CNTN5: variants seen among roughly 807,000 people sequenced by gnomAD.
CNTN5 encodes contactin-5.
In CNTN5, 77 loss-of-function variants were observed where a neutral mutation model predicts 129.1. The observed-to-expected ratio is 0.60, with a 90% confidence interval of 0.50 to 0.72. The LOEUF (loss-of-function observed/expected upper bound fraction) is 0.72, where lower values mean the gene tolerates loss of function less well. Among genes scored for constraint, CNTN5 ranks in the 30% least tolerant of loss-of-function variants. The probability of loss-of-function intolerance (pLI) is 0.00; values close to 1 mark genes in which losing one functional copy is unlikely to be tolerated. For missense variants in CNTN5, 1,478 were observed against 1,328.8 expected (o/e 1.11, Z -1.75); for synonymous variants, 509 against 465.6 (o/e 1.09, Z -1.20).
chr11:100,056,471 G>A (rs1210556772), intron 9 of CNTN5, among the ~76,000 whole-genome samples: 2 of 151,496 alleles, frequency 1.3e-5, no homozygotes, highest in Non-Finnish European at 3.0e-5. Flanking sequence ...GACAATGAGC[G>A]TGAGGTTAAT....
chr11:99,371,257 T>C (rs1053386834), intron 2 of CNTN5, among the ~76,000 whole-genome samples: 2 of 152,088 alleles, frequency 1.3e-5, no homozygotes, highest in Admixed American at 6.6e-5. Context: ...CCATTTTTAA[T>C]GTAAAAATTT....
chr11:100,307,383 A>G (rs563826773), intron 20 of CNTN5, among the ~76,000 whole-genome samples: 4 of 151,844 alleles, frequency 2.6e-5, no homozygotes, highest in African/African-American at 9.6e-5. Context: ...CTGCCATTTC[A>G]TTTAACTTGT....
intron 3 of CNTN5, among the ~76,000 whole-genome samples, chr11:99,795,910 C>A (rs1945920198): frequency 6.6e-6 from 1 of 152,200 alleles, no homozygotes; most frequent in Non-Finnish European, 1.5e-5. Context: ...AATGTGCCAG[C>A]CAAAGTGCTT....
At chr11:99,074,921 G>A (rs1164259918) in intron 1 of CNTN5, among the ~76,000 whole-genome samples, 1 of 152,102 alleles carries the variant, frequency 6.6e-6, no homozygotes, top group Non-Finnish European at 1.5e-5. Flanking sequence ...AAATAATTGG[G>A]ATGATGTAAA....
chr11:99,594,391 T>C (rs995057282), intron 3 of CNTN5, among the ~76,000 whole-genome samples: 6 of 152,172 alleles, frequency 3.9e-5, no homozygotes, highest in Non-Finnish European at 7.4e-5. Context: ...TGCTGATATC[T>C]GGACAAAGCT....
Position 99,682,324 on chromosome 11 carries a change from TAGAA to T in CNTN5, c.55+126059_55+126062del, listed in dbSNP as rs553443477. On this transcript the variant is annotated intron_variant, in intron 3 of 24. Coordinates refer to ENST00000524871, the MANE Select transcript of CNTN5 (RefSeq NM_014361.4). ...AAAAGAGAAGAGAGATAAGTGAAAA[TAGAA>T]AGATATTAATTGTGGGGTACGTCAT... 4.3e-3 allele frequency among the ~76,000 whole-genome samples: 657 copies of T among 151,718 alleles called. 17 individuals are homozygous for T. Among genetic ancestry groups the T allele is most frequent in the East Asian group, 7.0e-3 (36 of 5,164 alleles).
intron 3 of CNTN5, among the ~76,000 whole-genome samples, chr11:99,816,802 C>T (rs1203320223): frequency 2.0e-5 from 3 of 152,082 alleles, no homozygotes; most frequent in Admixed American, 6.6e-5. Context: ...CCTTACATGT[C>T]CTCCCACCTC....
Position 100,096,956 on chromosome 11 carries a change from G to A in CNTN5, c.1580+22662G>A, listed in dbSNP as rs1334789450. Among the ~76,000 whole-genome samples, 8 of 152,112 alleles carry A rather than the reference G, an allele frequency of 5.3e-5. No homozygotes were observed. In the East Asian group the frequency reaches 1.4e-3, roughly 26 times the overall value. ...GAATAACAGAATTTTCAAGCTGCCT[G>A]TTTGGCAGAGAAACCCAGTGTTCCA... On this transcript the variant is annotated intron_variant, in intron 13 of 24. Coordinates refer to ENST00000524871, the MANE Select transcript of CNTN5 (RefSeq NM_014361.4).
intron 18 of CNTN5, among the ~76,000 whole-genome samples, chr11:100,281,936 T>C (rs529591349): frequency 6.6e-6 from 1 of 152,262 alleles, no homozygotes; most frequent in East Asian, 1.9e-4. Context: ...ATTCTCTTTA[T>C]TATTTCAATC....
intron 6 of CNTN5, among the ~76,000 whole-genome samples, chr11:99,905,811 T>C (rs1348665062): frequency 1.3e-5 from 2 of 152,200 alleles, no homozygotes; most frequent in Non-Finnish European, 2.9e-5. Flanking sequence ...CCTCTGTTAT[T>C]TCCTTGAGCA....
At chr11:99,938,326 A>G (rs997801553) in intron 7 of CNTN5, among the ~76,000 whole-genome samples, 2 of 152,102 alleles carry the variant, frequency 1.3e-5, no homozygotes, top group Non-Finnish European at 2.9e-5. Flanking sequence ...TAAAATGAAG[A>G]TAAACAATAA....
chr11:99,233,055 C>T (rs1227888107), intron 1 of CNTN5, among the ~76,000 whole-genome samples: 2 of 152,190 alleles, frequency 1.3e-5, no homozygotes, highest in African/African-American at 4.8e-5. Context: ...CCTGAAGAAT[C>T]ATCTTCAAGT....
intron 18 of CNTN5, among the ~76,000 whole-genome samples, chr11:100,275,660 T>C (rs1950495156): frequency 6.6e-6 from 1 of 152,240 alleles, no homozygotes; most frequent in East Asian, 1.9e-4. Flanking sequence ...TTTCTGCAGC[T>C]ACCTCAATCA....
rs114592823 is a variant in CNTN5, at chr11:99,893,656, T to C, written c.578-22398T>C. On this transcript the variant is annotated intron_variant, in intron 6 of 24. Coordinates refer to ENST00000524871, the MANE Select transcript of CNTN5 (RefSeq NM_014361.4). ...GCAAAGAAAAAAAATCAGATCCTTT[T>C]TGATTTCTATTTAGGTTGAATTTGA... 3.3e-3 allele frequency among the ~76,000 whole-genome samples: 509 copies of C among 152,226 alleles called. 3 individuals carry two copies. The highest frequency in any genetic ancestry group is 0.012 in the African/African-American group (484 of 41,536).
chr11:99,179,469 TAAAC>T (rs1355935529), intron 1 of CNTN5, among the ~76,000 whole-genome samples: 1 of 151,786 alleles, frequency 6.6e-6, no homozygotes, highest in African/African-American at 2.4e-5. Context: ...AAATAAAAAA[TAAAC>T]AAAAACAAAC....
chr11:99,793,244 A>G (rs1338965667), intron 3 of CNTN5, among the ~76,000 whole-genome samples: 2 of 152,082 alleles, frequency 1.3e-5, no homozygotes, highest in East Asian at 1.9e-4. Context: ...TATTTTTAGT[A>G]GAGACGGGGT....
At chr11:100,318,227 C>T (rs1333813152) in intron 21 of CNTN5, among the ~76,000 whole-genome samples, 1 of 124,948 alleles carries the variant, frequency 8.0e-6, no homozygotes, top group African/African-American at 3.1e-5. Context: ...GGCAATAGAG[C>T]GAGACTCTGT....
At chr11:100,181,317 T>C (rs895107314) in intron 13 of CNTN5, among the ~76,000 whole-genome samples, 2 of 151,976 alleles carry the variant, frequency 1.3e-5, no homozygotes, top group Non-Finnish European at 2.9e-5. Context: ...CCAAAAGTTA[T>C]ATACTGTTAG....
intron 3 of CNTN5, among the ~76,000 whole-genome samples, chr11:99,673,838 AAGTC>A (rs1366256575): frequency 6.6e-6 from 1 of 152,124 alleles, no homozygotes; most frequent in Admixed American, 6.5e-5. Flanking sequence ...CATTTTGAAA[AAGTC>A]AGTCTATCAT....
Sources: allele counts gnomAD v4.1 joint callset (sites outside exome capture counted in the v4.1 genomes callset), GRCh38; gene constraint gnomAD v4.1.1; transcripts MANE v1.5; gene names NCBI Gene and HGNC (gene_info 2026-07-23, HGNC 2026-07-21).